VAV3: variants seen among roughly 807,000 people sequenced by gnomAD.
VAV3 encodes guanine nucleotide exchange factor VAV3.
VAV3 carries 94 observed loss-of-function variants against 131.2 expected under a neutral mutation model. That is an observed-to-expected ratio of 0.72 (90% CI 0.61 to 0.85). VAV3 has a LOEUF of 0.85. Among genes scored for constraint, VAV3 ranks in the 40% least tolerant of loss-of-function variants. The pLI, the probability that VAV3 is intolerant of heterozygous loss-of-function variation, is 0.00. For synonymous variants in VAV3, 349 were observed against 342.0 expected, an observed-to-expected ratio of 1.02 and a Z score of -0.22; for missense variants, 939 against 1,002.7, an observed-to-expected ratio of 0.94 and a Z score of 0.86.
intron 1 of VAV3, among the ~76,000 whole-genome samples, chr1:107,889,416 T>C (rs191575621): frequency 1.3e-5 from 2 of 152,162 alleles, no homozygotes; most frequent in Non-Finnish European, 1.5e-5. Flanking sequence ...AATGAATATA[T>C]AATTTATTGT....
chr1:107,588,802 A>G (rs950101735), intron 25 of VAV3, among the ~76,000 whole-genome samples: 34 of 152,204 alleles, frequency 2.2e-4, no homozygotes, highest in African/African-American at 7.5e-4. Flanking sequence ...GGGTTTGAAA[A>G]GTAAGAGTGT....
At chr1:107,582,306 T>C (rs1650113676) in intron 25 of VAV3, among the ~76,000 whole-genome samples, 3 of 152,146 alleles carry the variant, frequency 2.0e-5, no homozygotes, top group East Asian at 3.9e-4. Flanking sequence ...GGCATATCGT[T>C]TTAGATGCCC....
chr1:107,826,529 G>A (rs1668021692), intron 2 of VAV3, among the ~76,000 whole-genome samples: 1 of 152,074 alleles, frequency 6.6e-6, no homozygotes, highest in African/African-American at 2.4e-5. Context: ...TGGAAAAAAT[G>A]AAAATTGCCA....
intron 1 of VAV3, among the ~76,000 whole-genome samples, chr1:107,914,030 G>C (rs1177935501): frequency 1.6e-4 from 25 of 152,130 alleles, no homozygotes; most frequent in Admixed American, 1.6e-3. Context: ...CCTGACCTCA[G>C]GTGATCTGCC....
intron 2 of VAV3, among the ~76,000 whole-genome samples, chr1:107,813,785 T>C (rs1667431594): frequency 6.6e-6 from 1 of 152,162 alleles, no homozygotes; most frequent in South Asian, 2.1e-4. Context: ...CAGCATCTGG[T>C]AACTATCATT....
chr1:107,818,384 T>C (rs80164968), intron 2 of VAV3, among the ~76,000 whole-genome samples: 3,530 of 151,040 alleles, frequency 0.023, 100 homozygotes, highest in African/African-American at 0.061. Context: ...TTTTAAACCA[T>C]AAAATGCTGA....
chr1:107,689,317 C>A (rs1437421782), intron 17 of VAV3, among the ~76,000 whole-genome samples: 2 of 152,068 alleles, frequency 1.3e-5, no homozygotes, highest in Non-Finnish European at 2.9e-5. Flanking sequence ...AGAGAGACAT[C>A]AGGACAGAAA....
chr1:107,954,115 G>T (rs528750651), intron 1 of VAV3, among the ~76,000 whole-genome samples: 23 of 152,176 alleles, frequency 1.5e-4, no homozygotes, highest in Non-Finnish European at 3.1e-4. Flanking sequence ...TTAACACCAT[G>T]AAGGGTCTAT....
intron 7 of VAV3, among the ~76,000 whole-genome samples, chr1:107,767,398 G>C (rs572367023): frequency 6.6e-6 from 1 of 152,264 alleles, no homozygotes; most frequent in South Asian, 2.1e-4. Flanking sequence ...TCTCCTTAGT[G>C]GTGTAGAAAG....
intron 1 of VAV3, among the ~76,000 whole-genome samples, chr1:107,954,745 A>C (rs545999624): frequency 6.7e-6 from 1 of 148,810 alleles, no homozygotes; most frequent in Admixed American, 6.6e-5. Flanking sequence ...AGGGAGCCCC[A>C]CACAACAGGA....
chr1:107,578,627 G>T, intron 25 of VAV3: 1 of 197,316 alleles, frequency 5.1e-6, no homozygotes, highest in Non-Finnish European at 9.1e-6. Context: ...TCTTTTTTTT[G>T]AGACGGAGTT....
At chr1:107,648,799 A>T (rs1655930781) in intron 19 of VAV3, among the ~76,000 whole-genome samples, 1 of 152,042 alleles carries the variant, frequency 6.6e-6, no homozygotes, top group Non-Finnish European at 1.5e-5. Context: ...AGGCTTCCCT[A>T]CTTCAGGTTG....
intron 1 of VAV3, among the ~76,000 whole-genome samples, chr1:107,904,046 T>C (rs1368826350): frequency 6.6e-6 from 1 of 152,170 alleles, no homozygotes; most frequent in Non-Finnish European, 1.5e-5. Flanking sequence ...ACCCATTACC[T>C]GTTCTATAAC....
intron 8 of VAV3, among the ~76,000 whole-genome samples, chr1:107,765,889 C>T (rs377153428): frequency 4.8e-4 from 73 of 152,232 alleles, no homozygotes; most frequent in African/African-American, 1.6e-3. Context: ...CTAGGAAATA[C>T]GTTGCTTGAT....
chr1:107,784,993 T>G lies in VAV3; in HGVS notation c.322-5501A>C, dbSNP rs148223556. Among the ~76,000 whole-genome samples the G allele has an allele frequency of 3.3e-4, 50 of 152,370 alleles. 1 individual carries two copies. The East Asian group carries it at 7.5e-3, about 23-fold the overall frequency. On this transcript the variant is annotated intron_variant, in intron 2 of 26. Coordinates refer to ENST00000370056, the MANE Select transcript of VAV3 (RefSeq NM_006113.5). ...AAACATTTTCAACCAATGATGATTTTTATTTTGTTTTAGCTCTTTATTTTT... is the reference window on the plus strand; with the variant it reads ...AAACATTTTCAACCAATGATGATTTGTATTTTGTTTTAGCTCTTTATTTTT...
chr1:107,607,108 C>A (rs1174079639), intron 22 of VAV3, among the ~76,000 whole-genome samples: 1 of 150,274 alleles, frequency 6.7e-6, no homozygotes. Context: ...GCACCCACAA[C>A]CACGCCCAGC....
intron 19 of VAV3, chr1:107,668,550 T>C: frequency 1.2e-6 from 1 of 849,848 alleles, no homozygotes; most frequent in Non-Finnish European, 1.4e-6. Flanking sequence ...ACCAACATGC[T>C]GATTGACATA....
chr1:107,950,912 C>A (rs905307974), intron 1 of VAV3, among the ~76,000 whole-genome samples: 2 of 152,134 alleles, frequency 1.3e-5, no homozygotes, highest in Non-Finnish European at 2.9e-5. Context: ...AGCCTCTTTA[C>A]TTTCAGTACT....
chr1:107,778,437 T>C (rs1280582413), intron 3 of VAV3, among the ~76,000 whole-genome samples: 1 of 152,154 alleles, frequency 6.6e-6, no homozygotes, highest in East Asian at 1.9e-4. Flanking sequence ...ATAAAATATA[T>C]ATTGACATGA....
Sources: allele counts gnomAD v4.1 joint callset (sites outside exome capture counted in the v4.1 genomes callset), GRCh38; gene constraint gnomAD v4.1.1; transcripts MANE v1.5; gene names NCBI Gene and HGNC (gene_info 2026-07-23, HGNC 2026-07-21).